POLN: variants seen among roughly 807,000 people sequenced by gnomAD.
The protein encoded by POLN is DNA polymerase nu, also known as DNA polymerase N.
In POLN, 108 loss-of-function variants were observed where a neutral mutation model predicts 113.5. The observed-to-expected ratio is 0.95, with a 90% CI of 0.81 to 1.12. POLN has a LOEUF of 1.12. Among genes scored for constraint, POLN ranks in the 50% most tolerant of loss-of-function variants. POLN has a pLI of 0.00. For missense variants in POLN, 1,097 were observed against 1,077.1 expected (o/e 1.02, Z -0.26); for synonymous variants, 386 against 391.5 (o/e 0.99, Z 0.17).
At chr4:2,118,890 T>C (rs1467826806) in intron 19 of POLN, among the ~76,000 whole-genome samples, 1 of 152,134 alleles carries the variant, frequency 6.6e-6, no homozygotes, top group Non-Finnish European at 1.5e-5. Context: ...TTACCAGCAG[T>C]TGTAATAGAG....
intron 19 of POLN, among the ~76,000 whole-genome samples, chr4:2,103,177 GAAAATTAATTCAGGATGAATT>G (rs1473744855): frequency 2.0e-5 from 3 of 151,960 alleles, no homozygotes; most frequent in East Asian, 3.8e-4. Flanking sequence ...AAAGAACTCA[GAAAATTAATTCAGGATGAATT>G]AAAATTAATT....
intron 19 of POLN, among the ~76,000 whole-genome samples, chr4:2,096,931 T>C (rs1289204891): frequency 1.3e-5 from 2 of 152,152 alleles, no homozygotes; most frequent in African/African-American, 4.8e-5. Flanking sequence ...GCATGCAAGC[T>C]CTCTGCGCAT....
At chr4:2,073,156 C>T (rs938448459) in intron 24 of POLN, 127 bp from the exon 25 acceptor site, 4 of 830,360 alleles carry the variant, frequency 4.8e-6, no homozygotes, top group Admixed American at 4.4e-5. Flanking sequence ...CCTGTGTCCA[C>T]TCGGTCACCT....
chr4:2,239,543 C>G (rs901076393), intron 2 of POLN, among the ~76,000 whole-genome samples: 2 of 152,128 alleles, frequency 1.3e-5, no homozygotes, highest in Non-Finnish European at 2.9e-5. Flanking sequence ...AGTTATATTA[C>G]CAAGAAAACA....
At chr4:2,101,798 G>A (rs1275102409) in intron 19 of POLN, among the ~76,000 whole-genome samples, 2 of 152,216 alleles carry the variant, frequency 1.3e-5, no homozygotes, top group Admixed American at 1.3e-4. Context: ...GCATGGCATG[G>A]GCTGCAGCCA....
intron 16 of POLN, among the ~76,000 whole-genome samples, chr4:2,155,436 C>A (rs112739624): frequency 6.6e-6 from 1 of 152,234 alleles, no homozygotes; most frequent in Non-Finnish European, 1.5e-5. Context: ...ACGATTAGCG[C>A]AAACTCACCC....
chr4:2,153,366 G>A (rs1417112123), intron 16 of POLN, among the ~76,000 whole-genome samples: 1 of 152,104 alleles, frequency 6.6e-6, no homozygotes, highest in Non-Finnish European at 1.5e-5. Context: ...GGAGGGCTGA[G>A]GTATGTAGGT....
chr4:2,239,158 C>T (rs574246017), intron 2 of POLN: 1 of 539,004 alleles, frequency 1.9e-6, no homozygotes, highest in African/African-American at 1.9e-5. Context: ...TGAATGAAAA[C>T]TAATTTAATA....
Position 2,210,275 on chromosome 4 carries a change from C to T in POLN, c.214-1788G>A, listed in dbSNP as rs535556626. Among the ~76,000 whole-genome samples the T allele has an allele frequency of 2.0e-3, 308 of 151,790 alleles. 1 individual carries two copies. Among genetic ancestry groups the T allele is most frequent in the African/African-American group, 7.0e-3 (291 of 41,448 alleles). On this transcript the variant is annotated intron_variant, in intron 4 of 25. Coordinates refer to ENST00000511885, the MANE Select transcript of POLN (RefSeq NM_181808.4). ...CAAACTGTTGAAGATCTTACTCTGT[C>T]TTTTTTAAGGGGATGATTGTGGGCT...
At chr4:2,174,584 T>G in intron 10 of POLN, 107 bp downstream of exon 10, 91 of 917,388 alleles carry the variant, frequency 9.9e-5, no homozygotes, top group Non-Finnish European at 1.4e-4. Flanking sequence ...CTGGTGCCCA[T>G]GAGATATACT....
Position 2,131,276 on chromosome 4 carries a change from G to A in POLN, c.1746C>T (p.Ile582=), listed in dbSNP as rs373901257. Reference sequence around the variant, plus strand: ...TAGTAATCTGAATTGGGTGCTTGGAGATACCTTGGATATTCTGTTAATAAT... The same window carrying A: ...TAGTAATCTGAATTGGGTGCTTGGAAATACCTTGGATATTCTGTTAATAAT... The part of the protein sequence containing the change: ...LSAKHPNIQG[I]SKHPIQITTP... Residue 582 remains isoleucine (I), a synonymous_variant, in exon 17 of 26, where the codon ATC becomes ATT. Transcript: ENST00000511885. The A allele has an allele frequency of 1.1e-5, 18 of 1,585,974 alleles. No individual in the cohort carries two copies. The highest frequency in any genetic ancestry group is 1.6e-5 in the Non-Finnish European group (18 of 1,155,828).
At chr4:2,174,249 A>G (rs528675599) in intron 10 of POLN, among the ~76,000 whole-genome samples, 1 of 152,354 alleles carries the variant, frequency 6.6e-6, no homozygotes, top group East Asian at 1.9e-4. Context: ...AGGGGACCGC[A>G]CTGGCCAGCC....
At chr4:2,207,885 T>C (rs1272613573) in intron 5 of POLN, 102 bp downstream of exon 5, 12 of 1,364,326 alleles carry the variant, frequency 8.8e-6, no homozygotes, top group Non-Finnish European at 1.2e-5. Context: ...AAGGAAAGCC[T>C]TAAAATCTTG....
At chr4:2,156,400 A>G (rs1476457436) in intron 16 of POLN, 2 of 452,550 alleles carry the variant, frequency 4.4e-6, no homozygotes, top group Non-Finnish European at 8.7e-6. Flanking sequence ...TCTTCATCAG[A>G]GATACAGCTT....
At chr4:2,112,020 A>T (rs1379533354) in intron 19 of POLN, among the ~76,000 whole-genome samples, 15 of 152,350 alleles carry the variant, frequency 9.8e-5, no homozygotes, top group Non-Finnish European at 1.5e-5. Context: ...ACAGCATGGT[A>T]CTGGTACCAA....
chr4:2,106,059 T>C (rs1430126657), intron 19 of POLN, among the ~76,000 whole-genome samples: 2 of 152,130 alleles, frequency 1.3e-5, no homozygotes, highest in African/African-American at 2.4e-5. Flanking sequence ...TCTTTTTTTT[T>C]CTAGCAAAAA....
chr4:2,178,094 C>T (rs899734460), intron 8 of POLN, among the ~76,000 whole-genome samples: 3 of 152,246 alleles, frequency 2.0e-5, no homozygotes, highest in African/African-American at 7.2e-5. Flanking sequence ...ATCTTCACAT[C>T]ACAGATGATC....
chr4:2,144,418 C>T (rs1732083459), intron 16 of POLN, among the ~76,000 whole-genome samples: 1 of 152,086 alleles, frequency 6.6e-6, no homozygotes, highest in South Asian at 2.1e-4. Context: ...GCCGGGATTA[C>T]AGGTGTGAGC....
intron 13 of POLN, among the ~76,000 whole-genome samples, chr4:2,170,303 G>C (rs1301526372): frequency 6.6e-6 from 1 of 152,158 alleles, no homozygotes; most frequent in African/African-American, 2.4e-5. Context: ...TCAAGAGAGG[G>C]GTAGGTAAAA....
Sources: allele counts gnomAD v4.1 joint callset (sites outside exome capture counted in the v4.1 genomes callset), GRCh38; gene constraint gnomAD v4.1.1; transcripts MANE v1.5; gene names NCBI Gene and HGNC (gene_info 2026-07-23, HGNC 2026-07-21).